The following ADAMTSL1 variants were observed in gnomAD, a reference collection of about 807,000 sequenced individuals.
The protein encoded by ADAMTSL1 is ADAMTS-like protein 1.
In ADAMTSL1, 126 loss-of-function variants were observed where a neutral mutation model predicts 201.8. The observed-to-expected ratio is 0.62, with a 90% CI of 0.54 to 0.72. ADAMTSL1 has a LOEUF of 0.72. ADAMTSL1 is among the 30% of genes least tolerant of loss of function. The pLI is 0.00. For synonymous variants in ADAMTSL1, 1,121 were observed against 903.4 expected, an observed-to-expected ratio of 1.24 and a Z score of -4.32; for missense variants, 2,679 against 2,277.8, an observed-to-expected ratio of 1.18 and a Z score of -3.59.
At position 18,474,425 on chromosome 9, in the gene ADAMTSL1, C is replaced by A. The variant is rs573859470; in HGVS notation, c.63+130C>A. On this transcript the variant is annotated intron_variant, in intron 1 of 28. Transcript: ENST00000380548. The stretch of plus-strand genomic sequence containing the variant: ...TTAAAACTCCAGGTAAAATAATTTA[C>A]ACGATTACAAAGAGAGAATACTCCT... 19 of 927,880 alleles carry A rather than the reference C, an allele frequency of 2.0e-5. No individual in the cohort carries two copies. The African/African-American group carries it at 2.8e-4, about 14-fold the overall frequency. 57.5% of individuals were successfully genotyped at this position (927,880 alleles called of 1,614,324 possible).
At chr9:18,581,645 C>G (rs551430715) in intron 4 of ADAMTSL1, among the ~76,000 whole-genome samples, 1 of 152,140 alleles carries the variant, frequency 6.6e-6, no homozygotes, top group African/African-American at 2.4e-5. Flanking sequence ...CATTTGAAAC[C>G]AAAAATAAGT....
At chr9:18,775,499 A>G (rs891374773) in intron 17 of ADAMTSL1, among the ~76,000 whole-genome samples, 1 of 152,220 alleles carries the variant, frequency 6.6e-6, no homozygotes, top group Non-Finnish European at 1.5e-5. Context: ...TCTGAAGCCC[A>G]GACTATATAT....
At chr9:17,915,603 A>T (rs575151727) in intron 1 of ADAMTSL1, among the ~76,000 whole-genome samples, 44 of 152,356 alleles carry the variant, frequency 2.9e-4, no homozygotes, top group Admixed American at 2.6e-4. Flanking sequence ...GCTGAATAAT[A>T]TAGTAGGTGT....
chr9:18,770,795 T>C lies in ADAMTSL1; in HGVS notation c.2397+14T>C, dbSNP rs1426769183. On this transcript the variant is annotated intron_variant, in intron 17 of 28. Coordinates refer to ENST00000380548, the MANE Select transcript of ADAMTSL1 (RefSeq NM_001040272.6). ...GACTGGACAGAGGTATGTATGTTCC[T>C]CCGAAGAGAATGAAAGAGATCCAAG... 1 of 1,610,948 alleles carries C rather than the reference T, an allele frequency of 6.2e-7. No homozygotes were observed. Among genetic ancestry groups the C allele is most frequent in the Admixed American group, 1.7e-5 (1 of 59,782 alleles).
chr9:18,223,105 A>G (rs1345477776), intron 2 of ADAMTSL1, among the ~76,000 whole-genome samples: 1 of 151,976 alleles, frequency 6.6e-6, no homozygotes, highest in Non-Finnish European at 1.5e-5. Flanking sequence ...GTATTCATCA[A>G]TTTCCAGCCA....
intron 1 of ADAMTSL1, among the ~76,000 whole-genome samples, chr9:18,146,003 C>G (rs1297116560): frequency 3.9e-5 from 6 of 152,048 alleles, no homozygotes; most frequent in African/African-American, 4.8e-5. Flanking sequence ...TAATCTATCA[C>G]TAGGAAAATG....
chr9:18,034,613 C>T (rs1821115194), intron 1 of ADAMTSL1, among the ~76,000 whole-genome samples: 1 of 152,134 alleles, frequency 6.6e-6, no homozygotes, highest in Admixed American at 6.6e-5. Flanking sequence ...AACCTCAGTA[C>T]CATCTGACAG....
intron 2 of ADAMTSL1, among the ~76,000 whole-genome samples, chr9:18,269,176 T>C (rs1277521678): frequency 6.6e-6 from 1 of 152,172 alleles, no homozygotes; most frequent in Non-Finnish European, 1.5e-5. Context: ...ATGTGATATA[T>C]TATGCTCAAT....
At chr9:18,801,525 C>T (rs925490597) in intron 20 of ADAMTSL1, among the ~76,000 whole-genome samples, 3 of 152,132 alleles carry the variant, frequency 2.0e-5, no homozygotes, top group Non-Finnish European at 4.4e-5. Context: ...CCGCTCTCTC[C>T]TCCCACTCTC....
chr9:17,926,856 T>G (rs1297621471), intron 1 of ADAMTSL1, among the ~76,000 whole-genome samples: 1 of 152,208 alleles, frequency 6.6e-6, no homozygotes, highest in Non-Finnish European at 1.5e-5. Flanking sequence ...CCACTTATAA[T>G]TTTCTTTATC....
At chr9:18,284,147 C>T (rs552802698) in intron 2 of ADAMTSL1, among the ~76,000 whole-genome samples, 5 of 151,352 alleles carry the variant, frequency 3.3e-5, no homozygotes, top group East Asian at 1.9e-4. Flanking sequence ...GAGAATTGCT[C>T]GAACCTGGGA....
intron 5 of ADAMTSL1, among the ~76,000 whole-genome samples, chr9:18,626,167 G>A (rs1826347973): frequency 6.6e-6 from 1 of 152,154 alleles, no homozygotes; most frequent in South Asian, 2.1e-4. Flanking sequence ...ATGGGCACCT[G>A]CTATATGCTG....
rs1443310789 is a variant in ADAMTSL1 at position 18,732,649 on chromosome 9, T to C, written c.2006+10984T>C. 2.6e-5 allele frequency among the ~76,000 whole-genome samples: 4 copies of C among 152,078 alleles called. 1 individual carries two copies. In the East Asian group the frequency reaches 7.7e-4, roughly 29 times the overall value. On this transcript the variant is annotated intron_variant, in intron 15 of 28. Coordinates refer to ENST00000380548, the MANE Select transcript of ADAMTSL1 (RefSeq NM_001040272.6). ...AAGCGTCGATGAATTGTGTTATTCC[T>C]AGCGTTGTCTCCTCTAATGTTTGTG...
chr9:18,763,856 A>T (rs1459491167), intron 16 of ADAMTSL1, among the ~76,000 whole-genome samples: 2 of 152,058 alleles, frequency 1.3e-5, no homozygotes, highest in African/African-American at 4.8e-5. Context: ...GTCTGTTTTC[A>T]TGCCAGTACT....
At chr9:18,269,879 G>A (rs550194022) in intron 2 of ADAMTSL1, among the ~76,000 whole-genome samples, 8 of 147,200 alleles carry the variant, frequency 5.4e-5, no homozygotes, top group Non-Finnish European at 1.2e-4. Flanking sequence ...CATCCCAACT[G>A]CTTATTTAGA....
At chr9:18,776,048 G>A (rs1023549040) in intron 18 of ADAMTSL1, among the ~76,000 whole-genome samples, 152 bp downstream of exon 18, 1 of 152,140 alleles carries the variant, frequency 6.6e-6, no homozygotes, top group Non-Finnish European at 1.5e-5. Context: ...GAGCTCAGCT[G>A]GAGACGGAAA....
At chr9:18,149,330 G>A (rs1489969001) in intron 1 of ADAMTSL1, among the ~76,000 whole-genome samples, 2 of 152,048 alleles carry the variant, frequency 1.3e-5, no homozygotes, top group African/African-American at 2.4e-5. Flanking sequence ...AAGGCCAGAA[G>A]CCATCCAATG....
chr9:18,186,486 A>T (rs1828739989), intron 2 of ADAMTSL1, among the ~76,000 whole-genome samples: 1 of 152,132 alleles, frequency 6.6e-6, no homozygotes, highest in African/African-American at 2.4e-5. Flanking sequence ...CATCCTAGTC[A>T]TGTCACCTGC....
intron 15 of ADAMTSL1, among the ~76,000 whole-genome samples, chr9:18,736,515 G>T (rs1818507697): frequency 6.6e-6 from 1 of 152,160 alleles, no homozygotes; most frequent in Non-Finnish European, 1.5e-5. Context: ...AACCACATGT[G>T]GGCTGGATTG....
Sources: allele counts gnomAD v4.1 joint callset (sites outside exome capture counted in the v4.1 genomes callset), GRCh38; gene constraint gnomAD v4.1.1; transcripts MANE v1.5; gene names NCBI Gene and HGNC (gene_info 2026-07-23, HGNC 2026-07-21).